SLC12A1: variants seen among roughly 807,000 people sequenced by gnomAD.
The protein encoded by SLC12A1 is Na-K-2Cl cotransporter.
A neutral mutation model predicts 130.4 loss-of-function variants in SLC12A1; 89 were observed. That is an observed-to-expected ratio of 0.68 (90% CI 0.58 to 0.81). The LOEUF (loss-of-function observed/expected upper bound fraction) is 0.81. SLC12A1 is among the 40% of genes least tolerant of loss of function. The pLI is 0.00. For missense variants in SLC12A1, 1,310 were observed against 1,336.4 expected (o/e 0.98, Z 0.31); for synonymous variants, 499 against 460.0 (o/e 1.08, Z -1.09).
intron 8 of SLC12A1, among the ~76,000 whole-genome samples, chr15:48,233,696 T>C (rs2041405811): frequency 6.6e-6 from 1 of 152,230 alleles, no homozygotes; most frequent in Admixed American, 6.5e-5. Context: ...CAGTATTTAT[T>C]TCTTTTTGAT....
At position 48,255,916 on chromosome 15, in the gene SLC12A1, G is replaced by C. The variant is rs772732559; in HGVS notation, c.2042+6G>C. The C allele has an allele frequency of 9.0e-6, 14 of 1,562,692 alleles. No homozygotes were observed. In the South Asian group the frequency reaches 1.5e-4, roughly 17 times the overall value. On this transcript the variant is annotated splice_donor_region_variant and intron_variant, in intron 16 of 26. Transcript: ENST00000380993. ...GACCACGTAAAAAACTTCAGGTAAA[G>C]CTGGTGTCTCAGGCATCCTGGTGTT...
intron 16 of SLC12A1, among the ~76,000 whole-genome samples, chr15:48,256,831 C>A (rs973414741): frequency 1.4e-5 from 2 of 148,084 alleles, no homozygotes; most frequent in East Asian, 2.0e-4. Flanking sequence ...GGCCCCCCCC[C>A]CCAAATTTCT....
chr15:48,239,547 T>TAAATAAATAAATA (rs1555466502), intron 9 of SLC12A1, among the ~76,000 whole-genome samples: 1 of 148,560 alleles, frequency 6.7e-6, no homozygotes, highest in African/African-American at 2.5e-5. Context: ...AATAAATAAA[T>TAAATAAATAAATA]AATAATGTCT....
chr15:48,281,493 G>C (rs1046017725), intron 20 of SLC12A1, among the ~76,000 whole-genome samples: 1 of 152,200 alleles, frequency 6.6e-6, no homozygotes, highest in African/African-American at 2.4e-5. Context: ...AAAACATGCA[G>C]ACTGGGTGTT....
At chr15:48,277,608 TG>T (rs924891767) in intron 20 of SLC12A1, among the ~76,000 whole-genome samples, 5 of 152,216 alleles carry the variant, frequency 3.3e-5, no homozygotes, top group African/African-American at 1.2e-4. Context: ...AACCCAGTTG[TG>T]GTTGTCCAGT....
intron 23 of SLC12A1, among the ~76,000 whole-genome samples, chr15:48,289,051 G>T (rs1161966806): frequency 6.6e-6 from 1 of 151,586 alleles, no homozygotes; most frequent in African/African-American, 2.4e-5. Flanking sequence ...TTTCTCCTTT[G>T]TAGTTTGAAA....
At position 48,213,015 on chromosome 15, in the gene SLC12A1, A is replaced by G. The variant is rs1043117728; in HGVS notation, c.420+4876A>G. On this transcript the variant is annotated intron_variant, in intron 2 of 26. Coordinates refer to ENST00000380993, the MANE Select transcript of SLC12A1 (RefSeq NM_000338.3). ...ATCCTTAACAACAACCCCTCAAGGA[A>G]GGTACTATTATTATTGCTTTTTTAT... 2.6e-5 allele frequency among the ~76,000 whole-genome samples: 4 copies of G among 152,194 alleles called. 1 individual carries two copies. Among genetic ancestry groups the G allele is most frequent in the Non-Finnish European group, 5.9e-5 (4 of 68,038 alleles).
At chr15:48,226,438 A>T (rs2041287134) in intron 4 of SLC12A1, 38 bp from the exon 5 acceptor site, 2 of 1,293,950 alleles carry the variant, frequency 1.5e-6, no homozygotes, top group African/African-American at 1.5e-5. Flanking sequence ...AAGGAAGAAA[A>T]GTAAAATGCA....
chr15:48,284,157 C>G (rs1431056538), intron 20 of SLC12A1, among the ~76,000 whole-genome samples: 1 of 152,228 alleles, frequency 6.6e-6, no homozygotes, highest in African/African-American at 2.4e-5. Context: ...TGAACTCTGA[C>G]AGGCACCCAG....
chr15:48,251,706 G>A lies in SLC12A1; in HGVS notation c.1878G>A (p.Trp626Ter), dbSNP rs768765027. The A allele has an allele frequency of 6.2e-7, 1 of 1,613,680 alleles. No individual in the cohort carries two copies. The highest frequency in any genetic ancestry group is 8.5e-7 in the Non-Finnish European group (1 of 1,179,668). The change falls in exon 15 of 27, where the codon TGG becomes TGA. Residue 626 changes from tryptophan (W) to a stop codon, truncating the protein, a stop_gained. Coordinates refer to ENST00000380993, the MANE Select transcript of SLC12A1 (RefSeq NM_000338.3). LOFTEE classifies it high-confidence loss of function. ...CAGTCATGTTTGTCATCAACTGGTG[G>A]GCAGCTGTCATCACCTATGTCATTG... Reference protein sequence around the residue: ...CCAVMFVINWWAAVITYVIEF... With the variant: ...CCAVMFVINW
chr15:48,221,083 A>T, intron 4 of SLC12A1, 87 bp downstream of exon 4: 1 of 1,195,132 alleles, frequency 8.4e-7, no homozygotes, highest in Non-Finnish European at 1.2e-6. Flanking sequence ...ACTGAATGTG[A>T]GATGAAGGTC....
At chr15:48,235,257 C>T (rs1166411664) in intron 9 of SLC12A1, 4 of 462,908 alleles carry the variant, frequency 8.6e-6, no homozygotes, top group Non-Finnish European at 1.2e-5. Flanking sequence ...TCATATTTCC[C>T]CAAAATAAAT....
intron 20 of SLC12A1, among the ~76,000 whole-genome samples, chr15:48,275,171 T>C (rs1420714243): frequency 2.0e-5 from 3 of 152,206 alleles, no homozygotes; most frequent in African/African-American, 7.2e-5. Context: ...TTTGGTATAT[T>C]TGCTTAGTCT....
At chr15:48,245,426 T>C (rs1015567130) in intron 11 of SLC12A1, among the ~76,000 whole-genome samples, 1 of 152,062 alleles carries the variant, frequency 6.6e-6, no homozygotes, top group Admixed American at 6.6e-5. Flanking sequence ...CCTTCCTCTA[T>C]CCCCTCTCTG....
chr15:48,278,571 A>T (rs7495591), intron 20 of SLC12A1, among the ~76,000 whole-genome samples: 18,887 of 152,220 alleles, frequency 0.12, 1,295 homozygotes, highest in Admixed American at 0.17. Context: ...AAGACACCCA[A>T]CAAGGGGGCT....
intron 23 of SLC12A1, among the ~76,000 whole-genome samples, chr15:48,290,056 CGTATT>C (rs1226058688): frequency 1.3e-5 from 2 of 152,118 alleles, no homozygotes; most frequent in African/African-American, 4.8e-5. Context: ...GAGCTTAAAA[CGTATT>C]GTACAGCTAT....
chr15:48,220,558 G>C (rs2041198709), intron 2 of SLC12A1, 76 bp from the exon 3 acceptor site: 4 of 1,370,818 alleles, frequency 2.9e-6, no homozygotes, highest in Non-Finnish European at 3.9e-6. Context: ...CAATTGTTTT[G>C]ATTTGCTTTG....
intron 1 of SLC12A1, among the ~76,000 whole-genome samples, chr15:48,207,153 G>A (rs2040991852): frequency 6.6e-6 from 1 of 151,996 alleles, no homozygotes; most frequent in African/African-American, 2.4e-5. Flanking sequence ...AAAATACTTT[G>A]CAGTTTCAGC....
rs760681449 is a variant in SLC12A1, at chr15:48,294,959, AGGTT to A, written c.2960+3097_2960+3100del. On this transcript the variant is annotated intron_variant, in intron 24 of 26. Transcript: ENST00000380993. ...AGGGTCTCACTCTGTCGTCTAGGCT[AGGTT>A]GCAGGTGGTACAATCATAGCTCATT... Among the ~76,000 whole-genome samples the A allele has an allele frequency of 2.8e-3, 378 of 135,316 alleles. 3 individuals are homozygous for A. Among genetic ancestry groups the A allele is most frequent in the Non-Finnish European group, 2.7e-3 (175 of 64,072 alleles). 88.8% of individuals were successfully genotyped at this position (135,316 alleles called of 152,430 possible).
Sources: gnomAD v4.1 joint callset for allele counts (sites outside exome capture counted in the v4.1 genomes callset) on GRCh38, gnomAD v4.1.1 for gene constraint, MANE v1.5 for transcripts, NCBI Gene and HGNC (gene_info 2026-07-23, HGNC 2026-07-21) for gene names.